The following SANBR variants were observed in gnomAD, a reference collection of about 807,000 sequenced individuals.
SANBR encodes SANT and BTB domain regulator of class switch recombination.
Under a neutral mutation model 101.8 loss-of-function variants are expected in SANBR, and 77 were observed. That is an observed-to-expected ratio of 0.76 (90% CI 0.63 to 0.91). The LOEUF (loss-of-function observed/expected upper bound fraction) is 0.91. SANBR is among the 40% of genes least tolerant of loss of function. The pLI is 0.00. For missense variants in SANBR, 875 were observed against 853.0 expected (o/e 1.03, Z -0.32); for synonymous variants, 279 against 274.7 (o/e 1.02, Z -0.15).
At chr2:61,085,929 A>G (rs1242127441) in intron 8 of SANBR, among the ~76,000 whole-genome samples, 3 of 152,172 alleles carry the variant, frequency 2.0e-5, no homozygotes, top group East Asian at 1.9e-4. Flanking sequence ...TGGCATTTCT[A>G]TATAAATTTG....
At chr2:61,079,989 G>A (rs1573598853) in intron 6 of SANBR, among the ~76,000 whole-genome samples, 1 of 149,210 alleles carries the variant, frequency 6.7e-6, no homozygotes, top group East Asian at 2.1e-4. Flanking sequence ...CCTGAGGTCA[G>A]GAGGCAAGAC....
At position 61,087,776 on chromosome 2, in the gene SANBR, G is replaced by T. The variant is rs572594709; in HGVS notation, c.891-383G>T. Among the ~76,000 whole-genome samples, 2 of 151,826 alleles carry T rather than the reference G, an allele frequency of 1.3e-5. 1 individual carries two copies. The highest frequency in any genetic ancestry group is 1.3e-4 in the Admixed American group (2 of 15,216). On this transcript the variant is annotated intron_variant, in intron 8 of 21. Transcript: ENST00000402291. ...TCAGGCAGGATAATCGCTTGAACCC[G>T]GAAGGCAGAGGTTGCAGTGAGCAGA...
intron 3 of SANBR, 57 bp from the exon 4 acceptor site, chr2:61,071,549 C>CAAAAAA: frequency 1.1e-6 from 1 of 942,882 alleles, no homozygotes; most frequent in South Asian, 2.2e-5. Flanking sequence ...GACTCCGTCT[C>CAAAAAA]AAAAAAAAAA....
At chr2:61,132,423 A>G (rs1313871259) in intron 20 of SANBR, among the ~76,000 whole-genome samples, 2 of 152,216 alleles carry the variant, frequency 1.3e-5, no homozygotes, top group South Asian at 4.1e-4. Flanking sequence ...AAGTTGCTCA[A>G]CATCATTGGC....
chr2:61,080,025 C>T (rs1046270359), intron 6 of SANBR, among the ~76,000 whole-genome samples: 12 of 151,670 alleles, frequency 7.9e-5, no homozygotes, highest in Admixed American at 3.9e-4. Flanking sequence ...GTTGAAACCC[C>T]GTCTCTACTA....
chr2:61,110,011 T>G (rs1397216515), intron 16 of SANBR, among the ~76,000 whole-genome samples: 1 of 152,086 alleles, frequency 6.6e-6, no homozygotes, highest in Non-Finnish European at 1.5e-5. Context: ...CTGAACTCAT[T>G]AGTTCCGAGA....
At chr2:61,113,313 A>G (rs904828263) in intron 16 of SANBR, among the ~76,000 whole-genome samples, 2 of 152,172 alleles carry the variant, frequency 1.3e-5, no homozygotes, top group African/African-American at 4.8e-5. Flanking sequence ...CTTTCAAGGT[A>G]CGTTGCATTT....
intron 13 of SANBR, among the ~76,000 whole-genome samples, chr2:61,104,468 CA>C (rs1204289882): frequency 1.8e-4 from 18 of 102,616 alleles, no homozygotes; most frequent in Admixed American, 3.0e-4. Context: ...GGTGACAGAG[CA>C]AAAAAAAAAG....
chr2:61,134,225 T>C (rs367942636), exon 21 of SANBR: 15 of 1,603,142 alleles, frequency 9.4e-6, no homozygotes, highest in Non-Finnish European at 9.4e-6. Flanking sequence ...ACAGTGTTGC[T>C]GTGTTAAACG....
chr2:61,121,220 A>G lies in SANBR; in HGVS notation c.2064A>G (p.Gln688=), dbSNP rs1559146281. The change falls in exon 21 of 22, where the codon CAA becomes CAG. Residue 688 remains glutamine, a synonymous_variant. Transcript: ENST00000402291. ...AGGIYSRLEA[Q]IKASVPVSAR... ...GTATTTATTCCAGGCTGGAAGCACA[A>G]ATCAAGGCCTCAGTGCCAGTTAGTG... 9.0e-6 allele frequency: 14 copies of G among 1,551,202 alleles called. No individual in the cohort carries two copies. Among genetic ancestry groups the G allele is most frequent in the East Asian group, 2.4e-5 (1 of 41,018 alleles).
At chr2:61,136,535 A>G (rs1684854533) in intron 21 of SANBR, among the ~76,000 whole-genome samples, 1 of 151,874 alleles carries the variant, frequency 6.6e-6, no homozygotes, top group African/African-American at 2.4e-5. Flanking sequence ...AGTCTGAGGC[A>G]GGAGAATCAC....
chr2:61,070,515 C>T lies in SANBR; in HGVS notation c.150+15C>T. 1 of 1,595,056 alleles carries T rather than the reference C, an allele frequency of 6.3e-7. No individual in the cohort carries two copies. The highest frequency in any genetic ancestry group is 8.5e-7 in the Non-Finnish European group (1 of 1,173,148). ...CACCAAAAGAGGTAAATAACAGTCC[C>T]CCCAGAATATCTCCTGAAAATGTTC... On this transcript the variant is annotated intron_variant, in intron 3 of 21. Transcript: ENST00000402291.
chr2:61,097,906 T>C (rs1258376170), intron 12 of SANBR, 54 bp downstream of exon 12: 2 of 1,425,268 alleles, frequency 1.4e-6, no homozygotes, highest in Non-Finnish European at 1.9e-6. Context: ...ATAACAGTAA[T>C]ACATTAATGT....
At position 61,076,963 on chromosome 2, in the gene SANBR, A is replaced by C; in HGVS notation, c.475A>C (p.Lys159Gln). ...TGTGTGTGATGAAGCAAAAAACTTGAAAGAAGATTTTACTTGCCCGCGAGA... is the reference window on the plus strand; with the variant it reads ...TGTGTGTGATGAAGCAAAAAACTTGCAAGAAGATTTTACTTGCCCGCGAGA... Reference protein sequence around the residue: ...IHVCDEAKNLKEDFTCPRDLL... With the variant: ...IHVCDEAKNLQEDFTCPRDLL... The change falls in exon 6 of 22, where the codon AAA becomes CAA. Residue 159 changes from lysine to glutamine, a missense_variant. Physicochemically the swap from Lys to Gln is moderately conservative, Grantham distance 53. Coordinates refer to ENST00000402291, the MANE Select transcript of SANBR (RefSeq NM_001129993.3). The C allele has an allele frequency of 6.2e-7, 1 of 1,614,136 alleles. No individual in the cohort carries two copies. The highest frequency in any genetic ancestry group is 8.5e-7 in the Non-Finnish European group (1 of 1,180,012).
At chr2:61,070,547 G>T (rs1201025613) in intron 3 of SANBR, 47 bp downstream of exon 3, 1 of 1,550,444 alleles carries the variant, frequency 6.4e-7, no homozygotes, top group Non-Finnish European at 8.7e-7. Flanking sequence ...GTTCAGAAAA[G>T]GTCATCAATT....
chr2:61,086,671 G>A (rs1391651009), intron 8 of SANBR, among the ~76,000 whole-genome samples: 1 of 152,172 alleles, frequency 6.6e-6, no homozygotes, highest in African/African-American at 2.4e-5. Flanking sequence ...CTTTTTTCCG[G>A]ATGTTTTACT....
intron 4 of SANBR, among the ~76,000 whole-genome samples, chr2:61,073,030 T>C (rs1573585511): frequency 6.6e-6 from 1 of 152,108 alleles, no homozygotes; most frequent in Non-Finnish European, 1.5e-5. Flanking sequence ...GAGCTTCAAC[T>C]GACACAGTAG....
chr2:61,088,150 T>A lies in SANBR; in HGVS notation c.891-9T>A, dbSNP rs1284337616. Reference sequence around the variant, plus strand: ...GAAAATTAATATTTTGGTCATTTGTTGTTAATAGCAAACTTTTTTGTAAGA... The same window carrying A: ...GAAAATTAATATTTTGGTCATTTGTAGTTAATAGCAAACTTTTTTGTAAGA... On this transcript the variant is annotated splice_polypyrimidine_tract_variant and intron_variant, in intron 8 of 21. Transcript: ENST00000402291. 6.4e-7 allele frequency: 1 copy of A among 1,558,832 alleles called. No individual in the cohort carries two copies. The highest frequency in any genetic ancestry group is 8.8e-7 in the Non-Finnish European group (1 of 1,142,084).
intron 13 of SANBR, among the ~76,000 whole-genome samples, 165 bp from the exon 14 acceptor site, chr2:61,106,390 CAAAAAAAA>C (rs11364653): frequency 4.7e-5 from 3 of 63,262 alleles, no homozygotes; most frequent in African/African-American, 6.3e-5. Flanking sequence ...GACTCCATCT[CAAAAAAAA>C]AAAAAAAAAA....
Sources: gnomAD v4.1 joint callset for allele counts (sites outside exome capture counted in the v4.1 genomes callset) on GRCh38, gnomAD v4.1.1 for gene constraint, MANE v1.5 for transcripts, NCBI Gene and HGNC (gene_info 2026-07-23, HGNC 2026-07-21) for gene names.